The following CLDN16 variants were observed in gnomAD, a reference collection of about 807,000 sequenced individuals.
The protein encoded by CLDN16 is claudin-16.
In CLDN16, 13 loss-of-function variants were observed where a neutral mutation model predicts 24.6. The observed-to-expected ratio is 0.53, with a 90% CI of 0.34 to 0.84. CLDN16 has a LOEUF of 0.84. Among genes scored for constraint, CLDN16 ranks in the 40% least tolerant of loss-of-function variants. CLDN16 has a pLI of 0.01. For synonymous variants in CLDN16, 116 were observed against 106.7 expected (o/e 1.09, Z -0.54); for missense variants, 298 against 292.7 (o/e 1.02, Z -0.13).
At chr3:190,301,772 A>G in the CLDN16 span, among the ~76,000 whole-genome samples, 4,231 of 152,258 alleles carry the variant, frequency 0.028, 120 homozygotes, top group Admixed American at 0.091. Flanking sequence ...ACAGACTGCA[A>G]TCATCAAGCC....
chr3:190,321,846 A>G (rs1340301957), upstream of CLDN16: 4 of 709,674 alleles, frequency 5.6e-6, no homozygotes, highest in East Asian at 5.2e-5. Context: ...TCATTTCCTT[A>G]TGACAGAGCA....
the CLDN16 span, among the ~76,000 whole-genome samples, chr3:190,297,670 ATAT>A: frequency 2.8e-5 from 4 of 141,332 alleles, no homozygotes; most frequent in South Asian, 6.3e-4. Flanking sequence ...CTATACATAG[ATAT>A]TATGTAGATA....
chr3:190,325,530 G>A (rs960849088), intron 1 of CLDN16, among the ~76,000 whole-genome samples: 10 of 152,164 alleles, frequency 6.6e-5, no homozygotes, highest in South Asian at 2.1e-4. Context: ...AGCAAATAGC[G>A]TACTGGTTTA....
intron 1 of CLDN16, among the ~76,000 whole-genome samples, chr3:190,358,722 C>T (rs555080155): frequency 6.6e-6 from 1 of 152,030 alleles, no homozygotes; most frequent in Admixed American, 6.6e-5. Flanking sequence ...TTGTATTAGA[C>T]AACTAATGAT....
chr3:190,341,457 T>A (rs1156469509), intron 1 of CLDN16, among the ~76,000 whole-genome samples: 1 of 152,158 alleles, frequency 6.6e-6, no homozygotes, highest in African/African-American at 2.4e-5. Flanking sequence ...GTTGGCCCCT[T>A]TCAGCCATGG....
chr3:190,384,696 A>G (rs796300197), upstream of CLDN16, among the ~76,000 whole-genome samples: 6 of 152,280 alleles, frequency 3.9e-5, no homozygotes, highest in African/African-American at 1.4e-4. Flanking sequence ...AGAAGGGGAA[A>G]GTCCAATATT....
chr3:190,297,324 A>G, the CLDN16 span, among the ~76,000 whole-genome samples: 1 of 151,568 alleles, frequency 6.6e-6, no homozygotes, highest in South Asian at 2.1e-4. Flanking sequence ...TTATTCTGAC[A>G]GACAGACACG....
At chr3:190,385,151 T>C (rs924493382), upstream of CLDN16, among the ~76,000 whole-genome samples, 1 of 152,160 alleles carries the variant, frequency 6.6e-6, no homozygotes, top group Non-Finnish European at 1.5e-5. Flanking sequence ...ACACTGTTCA[T>C]AAATGTGTGC....
rs953383172 is a variant in CLDN16, at chr3:190,404,683, G to GT, written c.218-71dup. 565 of 1,445,206 alleles carry GT rather than the reference G, an allele frequency of 3.9e-4. 1 individual carries two copies. Among genetic ancestry groups the GT allele is most frequent in the South Asian group, 1.3e-3 (113 of 87,490 alleles). The allele number at this position is 1,445,206 out of a possible 1,614,324, so 89.5% of individuals were successfully genotyped here. On this transcript the variant is annotated intron_variant, in intron 2 of 4. Transcript: ENST00000264734. ...GTGTGTTAATGTTACCTACTTGTCT[G>GT]TTTTTTTTGCTATGTCTCTGTGAGT... is the stretch of plus-strand genomic sequence containing the variant.
At chr3:190,297,251 G>T in the CLDN16 span, among the ~76,000 whole-genome samples, 2 of 151,528 alleles carry the variant, frequency 1.3e-5, no homozygotes, top group Non-Finnish European at 2.9e-5. Context: ...TAGATAAAAA[G>T]TCACATCAAC....
intron 1 of CLDN16, among the ~76,000 whole-genome samples, chr3:190,359,098 C>T (rs748109568): frequency 2.6e-5 from 4 of 151,970 alleles, no homozygotes; most frequent in African/African-American, 4.8e-5. Context: ...GATTTGTAAT[C>T]AGGGCATTTG....
At chr3:190,380,756 G>A (rs1237742631) in intron 3 of CLDN16, among the ~76,000 whole-genome samples, 1 of 151,932 alleles carries the variant, frequency 6.6e-6, no homozygotes, top group African/African-American at 2.4e-5. Context: ...CAGCCTGGGC[G>A]ACAAGAGTAA....
intron 2 of CLDN16, among the ~76,000 whole-genome samples, chr3:190,371,956 T>G (rs1718152297): frequency 6.6e-6 from 1 of 151,856 alleles, no homozygotes; most frequent in Admixed American, 6.6e-5. Flanking sequence ...CCACCATAAG[T>G]TTTTGCGTCT....
intron 1 of CLDN16, among the ~76,000 whole-genome samples, chr3:190,338,958 T>C (rs1245236664): frequency 6.6e-6 from 1 of 152,180 alleles, no homozygotes; most frequent in Non-Finnish European, 1.5e-5. Context: ...AGGGTTGTCC[T>C]CAGCTGATTG....
intron 2 of CLDN16, among the ~76,000 whole-genome samples, chr3:190,371,708 C>T (rs564211454): frequency 2.6e-5 from 4 of 152,044 alleles, no homozygotes; most frequent in African/African-American, 9.6e-5. Flanking sequence ...AGGAGGTGAT[C>T]CATAAATATT....
At chr3:190,322,211 C>A (rs1339694723), upstream of CLDN16, 7 of 1,612,992 alleles carry the variant, frequency 4.3e-6, no homozygotes, top group South Asian at 1.1e-5. Context: ...GGCCATGACT[C>A]GCTCGGGCGC....
Position 190,410,239 on chromosome 3 carries a change from C to A in CLDN16, c.*203C>A. 1.7e-6 allele frequency: 1 copy of A among 595,572 alleles called. No individual in the cohort carries two copies. 36.9% of individuals were successfully genotyped at this position (595,572 alleles called of 1,614,324 possible). On this transcript the variant is annotated 3_prime_UTR_variant, in exon 5 of 5. Transcript: ENST00000264734. Reference sequence around the variant, plus strand: ...TCCCGTCATTCTCTCTGCTAACCTTCCACCTTATGCACACACTTTCCCTAT... The same window carrying A: ...TCCCGTCATTCTCTCTGCTAACCTTACACCTTATGCACACACTTTCCCTAT...
At chr3:190,322,635 C>T (rs1256860469) in exon 1 of CLDN16, 1 of 261,062 alleles carries the variant, frequency 3.8e-6, no homozygotes, top group Non-Finnish European at 7.5e-6. Flanking sequence ...TCCCTGCTCG[C>T]TTTCTCTCGT....
intron 1 of CLDN16, among the ~76,000 whole-genome samples, chr3:190,323,672 T>G (rs1018755662): frequency 2.6e-5 from 4 of 152,152 alleles, no homozygotes; most frequent in African/African-American, 9.7e-5. Flanking sequence ...CCATGGCAAC[T>G]GCTAGTTGGT....
Sources: gnomAD v4.1 joint callset for allele counts (sites outside exome capture counted in the v4.1 genomes callset) on GRCh38, gnomAD v4.1.1 for gene constraint, MANE v1.5 for transcripts, NCBI Gene and HGNC (gene_info 2026-07-23, HGNC 2026-07-21) for gene names.